The following FBXL17 variants were observed in gnomAD, a reference collection of about 807,000 sequenced individuals.
The protein encoded by FBXL17 is F-box/LRR-repeat protein 17.
In FBXL17, 22 loss-of-function variants were observed where a neutral mutation model predicts 66.2. The observed-to-expected ratio is 0.33, with a 90% CI of 0.24 to 0.47. FBXL17 has a LOEUF of 0.47. Ranked by LOEUF, FBXL17 falls within the 20% of genes least tolerant of loss-of-function variation. The pLI, the probability that FBXL17 is intolerant of heterozygous loss-of-function variation, is 1.00. For missense variants in FBXL17, 878 were observed against 948.2 expected (o/e 0.93, Z 0.97); for synonymous variants, 474 against 400.5 (o/e 1.18, Z -2.19).
intron 6 of FBXL17, among the ~76,000 whole-genome samples, chr5:108,131,756 G>T (rs1023388177): frequency 9.2e-5 from 14 of 151,964 alleles, no homozygotes; most frequent in African/African-American, 3.4e-4. Flanking sequence ...AGTAATTATG[G>T]TTTCATTATA....
At chr5:108,301,315 G>C (rs1385822623) in intron 4 of FBXL17, among the ~76,000 whole-genome samples, 2 of 151,784 alleles carry the variant, frequency 1.3e-5, no homozygotes, top group Non-Finnish European at 3.0e-5. Context: ...ATAATAAAAA[G>C]AAGTTTTAAA....
intron 4 of FBXL17, among the ~76,000 whole-genome samples, chr5:108,240,034 T>C (rs904720975): frequency 3.9e-5 from 6 of 151,972 alleles, no homozygotes; most frequent in African/African-American, 1.4e-4. Flanking sequence ...AAAAGAGCCC[T>C]TGGGGCCTGA....
chr5:108,263,119 C>T (rs1291940047), intron 4 of FBXL17, among the ~76,000 whole-genome samples: 2 of 152,156 alleles, frequency 1.3e-5, no homozygotes, highest in Admixed American at 6.5e-5. Flanking sequence ...AATCTTGCTA[C>T]ACCAACTCCC....
chr5:108,153,357 A>G lies in FBXL17; in HGVS notation c.1745+32760T>C, dbSNP rs575419790. Among the ~76,000 whole-genome samples, 4 of 152,364 alleles carry G rather than the reference A, an allele frequency of 2.6e-5. No individual in the cohort carries two copies. The South Asian group carries it at 8.3e-4, about 32-fold the overall frequency. ...ATTCAACTAGGAAGCATTATGATAC[A>G]TGGCACTGAAGTGAATTAACCAACT... On this transcript the variant is annotated intron_variant, in intron 6 of 8. Transcript: ENST00000542267.
intron 8 of FBXL17, among the ~76,000 whole-genome samples, chr5:107,877,586 G>A (rs1748651553): frequency 6.6e-6 from 1 of 152,112 alleles, no homozygotes; most frequent in South Asian, 2.1e-4. Flanking sequence ...CAACTAGAAT[G>A]TTCTTTCTCA....
intron 6 of FBXL17, among the ~76,000 whole-genome samples, chr5:108,181,842 A>C (rs1753015017): frequency 6.6e-6 from 1 of 152,162 alleles, no homozygotes; most frequent in South Asian, 2.1e-4. Context: ...CCCAGCTATG[A>C]CGCGGAAAAT....
intron 3 of FBXL17, 60 bp from the exon 4 acceptor site, chr5:108,348,590 T>C (rs995676056): frequency 3.9e-6 from 6 of 1,538,760 alleles, no homozygotes; most frequent in African/African-American, 1.4e-5. Flanking sequence ...ATATTTCAAG[T>C]GAGATTTTCA....
In FBXL17 at chr5:107,907,690, C is replaced by A. The variant is rs199751435; in HGVS notation, c.1823-26511G>T. On this transcript the variant is annotated intron_variant, in intron 7 of 8. Coordinates refer to ENST00000542267, the MANE Select transcript of FBXL17 (RefSeq NM_001163315.3). The stretch of plus-strand genomic sequence containing the variant: ...ATTTATGCAGCCAAAAAACACATGA[C>A]AAAATGCTCACCATCACTGGCCATC... 2.1e-4 allele frequency among the ~76,000 whole-genome samples: 32 copies of A among 152,190 alleles called. 1 individual carries two copies. The highest frequency in any genetic ancestry group is 4.8e-4 in the African/African-American group (20 of 41,538).
intron 7 of FBXL17, among the ~76,000 whole-genome samples, chr5:107,966,652 T>C (rs898417787): frequency 3.3e-5 from 5 of 152,100 alleles, no homozygotes; most frequent in African/African-American, 9.7e-5. Flanking sequence ...ACTAAATCCT[T>C]ATCATTCCTT....
At chr5:108,110,453 T>C (rs1390464756) in intron 6 of FBXL17, among the ~76,000 whole-genome samples, 1 of 152,196 alleles carries the variant, frequency 6.6e-6, no homozygotes, top group Admixed American at 6.5e-5. Context: ...TTAATGCATG[T>C]ATTCATAAAG....
chr5:107,946,626 T>C (rs1195236958), intron 7 of FBXL17, among the ~76,000 whole-genome samples: 1 of 151,936 alleles, frequency 6.6e-6, no homozygotes, highest in East Asian at 1.9e-4. Flanking sequence ...TAATCTTGAA[T>C]CACAATCTTG....
At chr5:108,244,272 A>G (rs1269755903) in intron 4 of FBXL17, among the ~76,000 whole-genome samples, 4 of 152,160 alleles carry the variant, frequency 2.6e-5, no homozygotes, top group African/African-American at 9.6e-5. Flanking sequence ...CATTTTAAGT[A>G]TAATTCTTAT....
intron 7 of FBXL17, among the ~76,000 whole-genome samples, chr5:107,902,841 AG>A (rs1749615440): frequency 6.6e-6 from 1 of 151,980 alleles, no homozygotes; most frequent in Non-Finnish European, 1.5e-5. Flanking sequence ...AATAACTTGC[AG>A]GCTTTTGGTT....
intron 4 of FBXL17, among the ~76,000 whole-genome samples, chr5:108,318,822 A>T (rs1157670747): frequency 6.6e-6 from 1 of 151,984 alleles, no homozygotes; most frequent in African/African-American, 2.4e-5. Flanking sequence ...GATGGTTATG[A>T]AAACAACTGC....
At chr5:108,011,195 T>C (rs1000154266) in intron 7 of FBXL17, among the ~76,000 whole-genome samples, 1 of 152,230 alleles carries the variant, frequency 6.6e-6, no homozygotes, top group Non-Finnish European at 1.5e-5. Context: ...GTGTCTAACA[T>C]TAGTAGGCTA....
rs1428896240 is a variant in FBXL17 at position 108,381,856 on chromosome 5, C to T, written c.-165G>A. ...CACACACGCGACGGTGGGGGGTGGG[C>T]GTCAGCTGCGGGCCGCCGGAGTGCC... On this transcript the variant is annotated 5_prime_UTR_variant, in exon 1 of 9. Coordinates refer to ENST00000542267, the MANE Select transcript of FBXL17 (RefSeq NM_001163315.3). The T allele has an allele frequency of 2.3e-6, 3 of 1,292,372 alleles. No homozygotes were observed. The highest frequency in any genetic ancestry group is 2.9e-6 in the Non-Finnish European group (3 of 1,020,426). The allele number at this position is 1,292,372 out of a possible 1,614,324, so 80.1% of individuals were successfully genotyped here. A position where few individuals can be genotyped will look rare whatever the true frequency, so the allele number is the denominator to read the frequency against.
rs974069457 is a variant in FBXL17 at position 107,872,098 on chromosome 5, G to C, written c.1965+8939C>G. 7.3e-4 allele frequency among the ~76,000 whole-genome samples: 111 copies of C among 152,260 alleles called. 1 individual carries two copies. Among genetic ancestry groups the C allele is most frequent in the African/African-American group, 2.6e-3 (108 of 41,542 alleles). ...GTTTCCTAAGACAAATTTATGATCAGCAAAAATTTATTCTGCATTAATGTG... is the reference window on the plus strand; with the variant it reads ...GTTTCCTAAGACAAATTTATGATCACCAAAAATTTATTCTGCATTAATGTG... On this transcript the variant is annotated intron_variant, in intron 8 of 8. Coordinates refer to ENST00000542267, the MANE Select transcript of FBXL17 (RefSeq NM_001163315.3).
chr5:108,074,337 T>C (rs1183991516), intron 6 of FBXL17, among the ~76,000 whole-genome samples: 1 of 150,750 alleles, frequency 6.6e-6, no homozygotes, highest in Non-Finnish European at 1.5e-5. Context: ...TTTAAGGAGC[T>C]CTACAGTCAG....
intron 6 of FBXL17, among the ~76,000 whole-genome samples, chr5:108,149,718 A>C (rs1640084516): frequency 6.6e-6 from 1 of 152,172 alleles, no homozygotes; most frequent in African/African-American, 2.4e-5. Flanking sequence ...ATTATCCATT[A>C]ATTTACTGTG....
Sources: allele counts gnomAD v4.1 joint callset (sites outside exome capture counted in the v4.1 genomes callset), GRCh38; gene constraint gnomAD v4.1.1; transcripts MANE v1.5; gene names NCBI Gene and HGNC (gene_info 2026-07-23, HGNC 2026-07-21).